PTPRA: variants seen among roughly 807,000 people sequenced by gnomAD.
PTPRA encodes receptor-type tyrosine-protein phosphatase alpha.
PTPRA carries 25 observed loss-of-function variants against 104.8 expected under a neutral mutation model. That is an observed-to-expected ratio of 0.24 (90% confidence interval 0.17 to 0.33). The LOEUF (loss-of-function observed/expected upper bound fraction) is 0.33. PTPRA is among the 10% of genes least tolerant of loss of function. PTPRA has a pLI of 1.00. For missense variants in PTPRA, 765 were observed against 1,015.3 expected, an observed-to-expected ratio of 0.75 and a Z score of 3.35; for synonymous variants, 323 against 368.9, an observed-to-expected ratio of 0.88 and a Z score of 1.43.
At chr20:2,999,231 A>C (rs1435096860) in intron 9 of PTPRA, among the ~76,000 whole-genome samples, 4 of 152,216 alleles carry the variant, frequency 2.6e-5, no homozygotes, top group Non-Finnish European at 5.9e-5. Flanking sequence ...AAATTAGTGA[A>C]GAGATAGGAT....
At chr20:3,029,493 T>TGTATCATG (rs1453546705) in intron 20 of PTPRA, among the ~76,000 whole-genome samples, 3 of 149,326 alleles carry the variant, frequency 2.0e-5, no homozygotes, top group African/African-American at 7.4e-5. Context: ...TTCCTAGACT[T>TGTATCATG]GTATCATGTA....
chr20:2,893,445 G>A (rs948015001), intron 1 of PTPRA, among the ~76,000 whole-genome samples: 5 of 152,080 alleles, frequency 3.3e-5, no homozygotes, highest in Middle Eastern at 3.2e-3. Flanking sequence ...TAAGACAGCT[G>A]GAGATTTCTT....
chr20:2,954,872 A>G (rs1387999547), intron 3 of PTPRA, among the ~76,000 whole-genome samples: 1 of 152,128 alleles, frequency 6.6e-6, no homozygotes, highest in Non-Finnish European at 1.5e-5. Flanking sequence ...AATTTTTGCA[A>G]GTGGTATAAG....
intron 1 of PTPRA, among the ~76,000 whole-genome samples, chr20:2,898,811 T>C (rs1480650483): frequency 1.3e-5 from 2 of 152,016 alleles, no homozygotes; most frequent in African/African-American, 4.8e-5. Context: ...TGAGCTGAGA[T>C]TGCGCCACTG....
At chr20:2,934,425 T>C (rs1260733917) in intron 2 of PTPRA, among the ~76,000 whole-genome samples, 2 of 152,154 alleles carry the variant, frequency 1.3e-5, no homozygotes, top group Non-Finnish European at 2.9e-5. Flanking sequence ...CCAATACTTA[T>C]GTATACAGAC....
At chr20:2,931,555 G>A (rs531954368) in intron 2 of PTPRA, among the ~76,000 whole-genome samples, 1 of 152,130 alleles carries the variant, frequency 6.6e-6, no homozygotes, top group Admixed American at 6.6e-5. Context: ...AAAGGATATG[G>A]CGAGAAGAAC....
In PTPRA at chr20:3,018,886, G is replaced by C. The variant is rs552720628; in HGVS notation, c.1041+973G>C. ...CCCCACCTCCCTCCCGGACGGGGTG[G>C]CTGGCCGGGCAGAGGGGCTCCTCAC... On this transcript the variant is annotated intron_variant, in intron 13 of 23. Coordinates refer to ENST00000399903, the MANE Select transcript of PTPRA (RefSeq NM_001385305.1). Among the ~76,000 whole-genome samples, 154 of 109,688 alleles carry C rather than the reference G, an allele frequency of 1.4e-3. 1 individual carries two copies. Among genetic ancestry groups the C allele is most frequent in the Middle Eastern group, 0.011 (2 of 182 alleles). 72.0% of individuals were successfully genotyped at this position (109,688 alleles called of 152,430 possible). A position where few individuals can be genotyped will look rare whatever the true frequency, so the allele number is the denominator to read the frequency against.
chr20:2,877,607 A>G (rs2089805532), intron 1 of PTPRA, among the ~76,000 whole-genome samples: 1 of 152,216 alleles, frequency 6.6e-6, no homozygotes, highest in Non-Finnish European at 1.5e-5. Context: ...TAGCAATAAT[A>G]TAACACTAAC....
intron 1 of PTPRA, among the ~76,000 whole-genome samples, chr20:2,910,640 G>T: frequency 9.0e-6 from 1 of 110,766 alleles, no homozygotes; most frequent in African/African-American, 3.6e-5. Flanking sequence ...ACGGAGTCTC[G>T]CTGTCACCCA....
chr20:3,038,151 TGGACCAGGA>T lies in PTPRA; in HGVS notation c.*22_*30del. On this transcript the variant is annotated 3_prime_UTR_variant, in exon 24 of 24. Transcript: ENST00000399903. ...TCAAGTAAGCGGCAACAAGGGTCCG[TGGACCAGGA>T]GGATTGCCTTTAATATTTTGTAATA... 3 of 1,587,714 alleles carry T rather than the reference TGGACCAGGA, an allele frequency of 1.9e-6. No homozygotes were observed. Among genetic ancestry groups the T allele is most frequent in the Non-Finnish European group, 2.6e-6 (3 of 1,156,014 alleles).
chr20:2,895,972 G>GT (rs1174797359), intron 1 of PTPRA, among the ~76,000 whole-genome samples: 3 of 151,812 alleles, frequency 2.0e-5, no homozygotes, highest in Non-Finnish European at 4.4e-5. Context: ...TTTTCATTCT[G>GT]TTTTTTTCTT....
At chr20:2,935,971 A>C (rs1477286225) in intron 2 of PTPRA, among the ~76,000 whole-genome samples, 1 of 151,588 alleles carries the variant, frequency 6.6e-6, no homozygotes, top group Non-Finnish European at 1.5e-5. Flanking sequence ...GTAAGCCAAG[A>C]TCTCGCCATT....
chr20:2,980,002 T>C (rs2062604563), intron 6 of PTPRA, among the ~76,000 whole-genome samples: 3 of 152,154 alleles, frequency 2.0e-5, no homozygotes, highest in South Asian at 4.1e-4. Context: ...AACCTCTGCC[T>C]TCCAGGTTCA....
intron 2 of PTPRA, among the ~76,000 whole-genome samples, chr20:2,939,098 T>C (rs1468719383): frequency 1.3e-5 from 2 of 152,232 alleles, no homozygotes; most frequent in African/African-American, 4.8e-5. Flanking sequence ...AGTCTTGTTT[T>C]ACTCTTATGG....
intron 20 of PTPRA, among the ~76,000 whole-genome samples, chr20:3,033,016 A>T (rs2065585081): frequency 1.3e-5 from 2 of 151,566 alleles, no homozygotes; most frequent in East Asian, 3.9e-4. Flanking sequence ...CTAACCTGGC[A>T]GCTCCTTTGT....
chr20:2,971,311 CT>C (rs202178717), intron 5 of PTPRA, among the ~76,000 whole-genome samples: 12 of 148,934 alleles, frequency 8.1e-5, no homozygotes, highest in Admixed American at 1.3e-4. Flanking sequence ...TTTCTGAAGT[CT>C]TTTTTTTTTA....
At chr20:2,905,394 C>G (rs1281732342) in intron 1 of PTPRA, among the ~76,000 whole-genome samples, 2 of 152,216 alleles carry the variant, frequency 1.3e-5, no homozygotes, top group African/African-American at 2.4e-5. Flanking sequence ...GTTGGCTGCT[C>G]TCTAGCACAT....
At chr20:3,025,592 A>G (rs7363408) in intron 17 of PTPRA, among the ~76,000 whole-genome samples, 4 of 151,676 alleles carry the variant, frequency 2.6e-5, no homozygotes, top group Non-Finnish European at 4.4e-5. Context: ...GGGTTCTGCC[A>G]GGCACGGTGG....
intron 5 of PTPRA, among the ~76,000 whole-genome samples, chr20:2,972,496 G>A (rs942594546): frequency 2.6e-5 from 4 of 152,132 alleles, no homozygotes; most frequent in African/African-American, 4.8e-5. Flanking sequence ...AGCCAAGGCC[G>A]CCCAAACATA....
Sources: gnomAD v4.1 joint callset for allele counts (sites outside exome capture counted in the v4.1 genomes callset) on GRCh38, gnomAD v4.1.1 for gene constraint, MANE v1.5 for transcripts, NCBI Gene and HGNC (gene_info 2026-07-23, HGNC 2026-07-21) for gene names.